The following NCKAP1 variants were observed in gnomAD, a reference collection of about 807,000 sequenced individuals.
NCKAP1 encodes the protein nck-associated protein 1.
NCKAP1 carries 21 observed loss-of-function variants against 151.2 expected under a neutral mutation model. The observed-to-expected ratio is 0.14, with a 90% CI of 0.10 to 0.20. The LOEUF (loss-of-function observed/expected upper bound fraction) is 0.20. Ranked by LOEUF, NCKAP1 falls within the 10% of genes least tolerant of loss-of-function variation. NCKAP1 has a pLI of 1.00. For missense variants in NCKAP1, 933 were observed against 1,352.1 expected, an observed-to-expected ratio of 0.69 and a Z score of 4.86; for synonymous variants, 484 against 451.8, an observed-to-expected ratio of 1.07 and a Z score of -0.90.
At position 182,967,631 on chromosome 2, in the gene NCKAP1, AT is replaced by A. The variant is rs376770594; in HGVS notation, c.1483-271del. On this transcript the variant is annotated intron_variant, in intron 15 of 30. Transcript: ENST00000361354. The stretch of plus-strand genomic sequence containing the variant: ...ACCTCAAAGGAACTGAAGTTAAAAT[AT>A]CAAAAGTGTAAAACAATTAATTGTC... Among the ~76,000 whole-genome samples the A allele has an allele frequency of 3.9e-4, 60 of 152,342 alleles. 2 individuals carry two copies. The East Asian group carries it at 7.5e-3, about 19-fold the overall frequency.
At chr2:183,028,138 G>C (rs1698932988) in intron 1 of NCKAP1, among the ~76,000 whole-genome samples, 1 of 151,644 alleles carries the variant, frequency 6.6e-6, no homozygotes, top group Non-Finnish European at 1.5e-5. Flanking sequence ...AAGGAAAGGT[G>C]AATACAGTGT....
At position 182,925,783 on chromosome 2, in the gene NCKAP1, A is replaced by C. The variant is rs751137326; in HGVS notation, c.3306T>G (p.Leu1102=). 4.3e-5 allele frequency: 69 copies of C among 1,590,440 alleles called. No individual in the cohort carries two copies. Among genetic ancestry groups the C allele is most frequent in the Middle Eastern group, 1.7e-4 (1 of 6,006 alleles). The part of the protein sequence containing the change: ...VQESPFLTMD[L]LESCFPYVLL... ...AGACATAAGGAAAACAAGATTCCAA[A>C]AGATCCATTGTAAGGAATGGAGATT... Residue 1102 remains leucine (L), a synonymous_variant, in exon 31 of 31, where the codon CTT becomes CTG. Transcript: ENST00000361354.
intron 6 of NCKAP1, among the ~76,000 whole-genome samples, chr2:183,000,564 G>A (rs1037874974): frequency 6.6e-6 from 1 of 152,172 alleles, no homozygotes; most frequent in Admixed American, 6.5e-5. Flanking sequence ...ACCATGATAT[G>A]TGCAGTATTT....
chr2:183,017,623 C>A (rs1698718464), intron 2 of NCKAP1, among the ~76,000 whole-genome samples: 1 of 152,140 alleles, frequency 6.6e-6, no homozygotes, highest in Non-Finnish European at 1.5e-5. Context: ...GGGTTCCTAA[C>A]AGGCCACGGA....
chr2:182,988,277 T>A (rs1698097470), intron 9 of NCKAP1, among the ~76,000 whole-genome samples: 1 of 152,210 alleles, frequency 6.6e-6, no homozygotes, highest in Admixed American at 6.5e-5. Flanking sequence ...CATTTCAATG[T>A]CATTAAGTCA....
rs1172643330 is a variant in NCKAP1 at position 182,909,177 on chromosome 2, A to G, written c.*16525T>C. The G allele has an allele frequency of 2.7e-5, 4 of 150,726 alleles. No individual in the cohort carries two copies. The highest frequency in any genetic ancestry group is 9.8e-5 in the African/African-American group (4 of 40,840). The allele number at this position is 150,726 out of a possible 1,614,324, so 9.3% of individuals were successfully genotyped here. ...AAGGAATGTAGATCTCTCTGTTTTGATCTGGAAATAGGTTCAATACACATT... is the reference window on the plus strand; with the variant it reads ...AAGGAATGTAGATCTCTCTGTTTTGGTCTGGAAATAGGTTCAATACACATT... On this transcript the variant is annotated 3_prime_UTR_variant, in exon 31 of 31. Transcript: ENST00000361354.
At chr2:182,991,051 T>C (rs1698159044) in intron 8 of NCKAP1, among the ~76,000 whole-genome samples, 1 of 152,202 alleles carries the variant, frequency 6.6e-6, no homozygotes, top group Non-Finnish European at 1.5e-5. Flanking sequence ...TGTACTTGAC[T>C]TTCCACCCTA....
At chr2:182,943,619 CCTT>C (rs1697041162) in intron 23 of NCKAP1, among the ~76,000 whole-genome samples, 1 of 151,810 alleles carries the variant, frequency 6.6e-6, no homozygotes, top group South Asian at 2.1e-4. Flanking sequence ...TTAAAATGCA[CCTT>C]ATTCTATGTG....
At chr2:183,006,110 A>G (rs1274789892) in intron 2 of NCKAP1, among the ~76,000 whole-genome samples, 1 of 152,244 alleles carries the variant, frequency 6.6e-6, no homozygotes, top group Non-Finnish European at 1.5e-5. Context: ...TATCCAATGC[A>G]AACATCTATC....
intron 14 of NCKAP1, among the ~76,000 whole-genome samples, 177 bp from the exon 15 acceptor site, chr2:182,977,128 A>T (rs1380161491): frequency 2.6e-5 from 4 of 152,200 alleles, no homozygotes; most frequent in African/African-American, 9.7e-5. Context: ...AATTATTCAA[A>T]CAGTCAAAGG....
intron 17 of NCKAP1, among the ~76,000 whole-genome samples, chr2:182,963,473 T>A (rs1264170486): frequency 1.3e-5 from 2 of 152,126 alleles, no homozygotes; most frequent in African/African-American, 4.8e-5. Context: ...GTCATACAAA[T>A]CTCTCTATTA....
chr2:182,969,659 G>T (rs952874540), intron 15 of NCKAP1, among the ~76,000 whole-genome samples: 2 of 151,910 alleles, frequency 1.3e-5, no homozygotes, highest in Non-Finnish European at 2.9e-5. Context: ...GTAGTAAGAG[G>T]AAAGTTTATA....
chr2:182,946,417 G>T (rs1316953275), intron 23 of NCKAP1, among the ~76,000 whole-genome samples: 1 of 151,476 alleles, frequency 6.6e-6, no homozygotes, highest in Non-Finnish European at 1.5e-5. Flanking sequence ...AAAAAGGAGC[G>T]ACACACACCA....
rs1697078430 is a variant in NCKAP1 at position 182,945,280 on chromosome 2, T to G, written c.2602-3117A>C. 2.0e-5 allele frequency among the ~76,000 whole-genome samples: 3 copies of G among 151,380 alleles called. No homozygotes were observed. In the South Asian group the frequency reaches 6.3e-4, roughly 32 times the overall value. ...AAGCTTAAAAAAAAAGTAGGCACAGTGGTACACGCCTATATTTCTCAGCTA... is the reference window on the plus strand; with the variant it reads ...AAGCTTAAAAAAAAAGTAGGCACAGGGGTACACGCCTATATTTCTCAGCTA... On this transcript the variant is annotated intron_variant, in intron 23 of 30. Coordinates refer to ENST00000361354, the MANE Select transcript of NCKAP1 (RefSeq NM_013436.5).
chr2:183,027,245 C>A (rs1698915816), intron 1 of NCKAP1, among the ~76,000 whole-genome samples: 1 of 152,140 alleles, frequency 6.6e-6, no homozygotes, highest in Non-Finnish European at 1.5e-5. Context: ...ATAATTACAA[C>A]CTATGCTAAA....
At position 182,928,320 on chromosome 2, in the gene NCKAP1, G is replaced by C. The variant is rs186181489; in HGVS notation, c.3071-94C>G. The C allele has an allele frequency of 8.3e-4, 684 of 824,964 alleles. 2 individuals are homozygous for C. The highest frequency in any genetic ancestry group is 1.1e-3 in the Non-Finnish European group (572 of 518,802). 51.1% of individuals were successfully genotyped at this position (824,964 alleles called of 1,614,324 possible). A position where few individuals can be genotyped will look rare whatever the true frequency, so the allele number is the denominator to read the frequency against. ...ATGACTTCACAATCTGCATAAATAG[G>C]GGCATAATTAAGAGTAGAGTTGGGA... On this transcript the variant is annotated intron_variant, in intron 28 of 30. Transcript: ENST00000361354.
rs543152712 is a variant in NCKAP1 at position 182,920,288 on chromosome 2, C to G, written c.*5414G>C. ...TGTGCCTGGCCACCAGTACTTCTTACGTAATACTTGCTGTAGAGAATCTCT... is the reference window on the plus strand; with the variant it reads ...TGTGCCTGGCCACCAGTACTTCTTAGGTAATACTTGCTGTAGAGAATCTCT... On this transcript the variant is annotated 3_prime_UTR_variant, in exon 31 of 31. Transcript: ENST00000361354. 2 of 152,124 alleles carry G rather than the reference C, an allele frequency of 1.3e-5. No individual in the cohort carries two copies. The highest frequency in any genetic ancestry group is 1.3e-4 in the Admixed American group (2 of 15,268). The allele number at this position is 152,124 out of a possible 1,614,324, so 9.4% of individuals were successfully genotyped here. A position where few individuals can be genotyped will look rare whatever the true frequency, so the allele number is the denominator to read the frequency against.
chr2:182,961,914 A>C (rs1697461914), intron 18 of NCKAP1, among the ~76,000 whole-genome samples: 1 of 152,242 alleles, frequency 6.6e-6, no homozygotes, highest in Non-Finnish European at 1.5e-5. Context: ...ATCAGGTGCT[A>C]ACACTACACA....
rs1698696437 is a variant in NCKAP1 at position 183,016,789 on chromosome 2, G to A, written c.219+7017C>T. 3.9e-5 allele frequency among the ~76,000 whole-genome samples: 6 copies of A among 152,260 alleles called. No homozygotes were observed. In the South Asian group the frequency reaches 1.2e-3, roughly 32 times the overall value. Reference sequence around the variant, plus strand: ...TTTTGTTCTGCTTCCCCTGGTGGAGGTTGGAGGGAGGGAGGAAGGGAGGGC... The same window carrying A: ...TTTTGTTCTGCTTCCCCTGGTGGAGATTGGAGGGAGGGAGGAAGGGAGGGC... On this transcript the variant is annotated intron_variant, in intron 2 of 30. Coordinates refer to ENST00000361354, the MANE Select transcript of NCKAP1 (RefSeq NM_013436.5).
Sources: allele counts gnomAD v4.1 joint callset (sites outside exome capture counted in the v4.1 genomes callset), GRCh38; gene constraint gnomAD v4.1.1; transcripts MANE v1.5; gene names NCBI Gene and HGNC (gene_info 2026-07-23, HGNC 2026-07-21).